The following RAPGEF5 variants were observed in gnomAD, a reference collection of about 807,000 sequenced individuals.
RAPGEF5 encodes the protein Rap guanine nucleotide exchange factor 5.
Under a neutral mutation model 125.2 loss-of-function variants are expected in RAPGEF5, and 65 were observed. The observed-to-expected ratio is 0.52, with a 90% CI of 0.43 to 0.64. The LOEUF is 0.64. RAPGEF5 is among the 30% of genes least tolerant of loss of function. The pLI is 0.00. For synonymous variants in RAPGEF5, 391 were observed against 385.9 expected, an observed-to-expected ratio of 1.01 and a Z score of -0.16; for missense variants, 958 against 1,048.1, an observed-to-expected ratio of 0.91 and a Z score of 1.19.
intron 9 of RAPGEF5, among the ~76,000 whole-genome samples, chr7:22,198,186 A>G (rs140717651): frequency 2.0e-5 from 3 of 152,320 alleles, no homozygotes; most frequent in East Asian, 3.9e-4. Flanking sequence ...ATACATTTCA[A>G]TTGGTGAATT....
chr7:22,176,635 TCTC>T (rs1345755466), intron 11 of RAPGEF5, among the ~76,000 whole-genome samples: 2 of 152,164 alleles, frequency 1.3e-5, no homozygotes, highest in Non-Finnish European at 2.9e-5. Flanking sequence ...TTCAGGCAAT[TCTC>T]CTGTCTCAGC....
At chr7:22,247,003 A>G (rs889321942) in intron 7 of RAPGEF5, among the ~76,000 whole-genome samples, 1 of 152,258 alleles carries the variant, frequency 6.6e-6, no homozygotes, top group Non-Finnish European at 1.5e-5. Flanking sequence ...ATCATCCAAG[A>G]AATGTAAATC....
intron 7 of RAPGEF5, among the ~76,000 whole-genome samples, chr7:22,232,223 T>A (rs1343051771): frequency 2.6e-5 from 4 of 152,114 alleles, no homozygotes; most frequent in Non-Finnish European, 5.9e-5. Context: ...CTTTTTGCCC[T>A]CTTCATCAAA....
chr7:22,151,544 C>T lies in RAPGEF5; in HGVS notation c.1787-1040G>A, dbSNP rs368599546. The stretch of plus-strand genomic sequence containing the variant: ...TAGTGTGATCTCGGCTCACCGCAAC[C>T]TCTGCCTCCTCCTGGGTTCAAGTGA... On this transcript the variant is annotated intron_variant, in intron 17 of 25. Transcript: ENST00000665637. Among the ~76,000 whole-genome samples, 38 of 150,412 alleles carry T rather than the reference C, an allele frequency of 2.5e-4. No homozygotes were observed. The East Asian group carries it at 6.7e-3, about 26-fold the overall frequency.
chr7:22,354,897 G>T (rs1784393700), intron 1 of RAPGEF5, among the ~76,000 whole-genome samples: 1 of 152,210 alleles, frequency 6.6e-6, no homozygotes. Context: ...ACGGTATTTT[G>T]TTATGACAGC....
chr7:22,240,078 C>T (rs944974759), intron 7 of RAPGEF5, among the ~76,000 whole-genome samples: 3 of 151,652 alleles, frequency 2.0e-5, no homozygotes, highest in Non-Finnish European at 4.4e-5. Flanking sequence ...GGAGTGGTGG[C>T]GAGTGCCTAT....
At chr7:22,347,282 TATA>T (rs1302834421) in intron 1 of RAPGEF5, among the ~76,000 whole-genome samples, 3 of 152,170 alleles carry the variant, frequency 2.0e-5, no homozygotes, top group African/African-American at 7.2e-5. Context: ...AGATTGTTAA[TATA>T]ATCTTAATTT....
intron 7 of RAPGEF5, among the ~76,000 whole-genome samples, chr7:22,235,543 G>A (rs947962933): frequency 6.6e-6 from 1 of 152,176 alleles, no homozygotes; most frequent in African/African-American, 2.4e-5. Flanking sequence ...AAAATGTTTT[G>A]CAACTAGTAA....
At chr7:22,235,531 T>A (rs1162919382) in intron 7 of RAPGEF5, among the ~76,000 whole-genome samples, 1 of 152,112 alleles carries the variant, frequency 6.6e-6, no homozygotes, top group Non-Finnish European at 1.5e-5. Flanking sequence ...AAAATAAAGA[T>A]CAAAATGTTT....
intron 7 of RAPGEF5, among the ~76,000 whole-genome samples, chr7:22,260,035 G>A (rs1421064971): frequency 1.3e-5 from 2 of 151,892 alleles, no homozygotes; most frequent in Non-Finnish European, 2.9e-5. Flanking sequence ...AGTGAGTGGA[G>A]ATCGTGCCAC....
chr7:22,146,854 G>C, intron 19 of RAPGEF5, 43 bp downstream of exon 19: 1 of 1,589,980 alleles, frequency 6.3e-7, no homozygotes, highest in Non-Finnish European at 8.6e-7. Context: ...AGAATTCACA[G>C]TTAAAACAGC....
chr7:22,154,736 CAG>C, intron 16 of RAPGEF5, 132 bp from the exon 17 acceptor site: 1 of 935,744 alleles, frequency 1.1e-6, no homozygotes, highest in Non-Finnish European at 1.5e-6. Flanking sequence ...ATAACACATA[CAG>C]AGTTAGATTT....
chr7:22,282,793 C>T (rs529441871), intron 6 of RAPGEF5, among the ~76,000 whole-genome samples: 43 of 152,310 alleles, frequency 2.8e-4, no homozygotes, highest in African/African-American at 8.7e-4. Flanking sequence ...CAACTGCAAA[C>T]AAGTCTCTTC....
At chr7:22,196,015 T>C (rs1269442345) in intron 9 of RAPGEF5, among the ~76,000 whole-genome samples, 2 of 152,216 alleles carry the variant, frequency 1.3e-5, no homozygotes, top group African/African-American at 4.8e-5. Flanking sequence ...CTAATATGTA[T>C]TACATGGCTG....
At chr7:22,220,491 T>G (rs1785759010) in intron 8 of RAPGEF5, among the ~76,000 whole-genome samples, 1 of 152,156 alleles carries the variant, frequency 6.6e-6, no homozygotes, top group Non-Finnish European at 1.5e-5. Flanking sequence ...CACAAGATAA[T>G]TTTTTTCACA....
chr7:22,228,981 TATA>T (rs1470995101), intron 8 of RAPGEF5, among the ~76,000 whole-genome samples: 1 of 152,134 alleles, frequency 6.6e-6, no homozygotes, highest in Non-Finnish European at 1.5e-5. Flanking sequence ...AGGACAAGCT[TATA>T]ATATCTCCAT....
At chr7:22,176,591 T>C (rs1784516058) in intron 11 of RAPGEF5, among the ~76,000 whole-genome samples, 1 of 152,192 alleles carries the variant, frequency 6.6e-6, no homozygotes, top group South Asian at 2.1e-4. Flanking sequence ...TGCAGTGGTG[T>C]GATCTCTGCT....
At chr7:22,245,257 G>A (rs750967756) in intron 7 of RAPGEF5, among the ~76,000 whole-genome samples, 32 of 152,214 alleles carry the variant, frequency 2.1e-4, no homozygotes, top group Admixed American at 9.8e-4. Flanking sequence ...ACCACTCTGC[G>A]TGTTGTCTCT....
At chr7:22,151,679 A>T (rs1783634391) in intron 17 of RAPGEF5, among the ~76,000 whole-genome samples, 1 of 151,958 alleles carries the variant, frequency 6.6e-6, no homozygotes, top group South Asian at 2.1e-4. Flanking sequence ...GTCTAGGCTG[A>T]TCTTAGACTC....
Sources: allele counts gnomAD v4.1 joint callset (sites outside exome capture counted in the v4.1 genomes callset), GRCh38; gene constraint gnomAD v4.1.1; transcripts MANE v1.5; gene names NCBI Gene and HGNC (gene_info 2026-07-23, HGNC 2026-07-21).